Variants in OR51B5 observed in about 807,000 individuals in gnomAD.
OR51B5 encodes olfactory receptor family 51 subfamily B member 5.
For synonymous variants in OR51B5, 186 were observed against 144.8 expected (o/e 1.28, Z -2.04); for missense variants, 456 against 374.6 (o/e 1.22, Z -1.79).
At chr11:5,467,740 A>T (rs1207556540) in intron 1 of OR51B5, among the ~76,000 whole-genome samples, 2 of 152,144 alleles carry the variant, frequency 1.3e-5, no homozygotes, top group African/African-American at 4.8e-5. Context: ...TCACTGCAGG[A>T]CACGAGCCCA....
At chr11:5,457,872 C>T (rs1025768493) in intron 1 of OR51B5, among the ~76,000 whole-genome samples, 1 of 152,022 alleles carries the variant, frequency 6.6e-6, no homozygotes, top group Non-Finnish European at 1.5e-5. Flanking sequence ...AGACATTTGT[C>T]AGGTCCATAG....
intron 1 of OR51B5, chr11:5,468,696 T>C (rs901048881): frequency 8.8e-6 from 4 of 456,472 alleles, no homozygotes; most frequent in African/African-American, 4.0e-5. Context: ...GACACACATG[T>C]GTTGAGTGTC....
At chr11:5,436,113 G>C (rs1045914358) in intron 1 of OR51B5, among the ~76,000 whole-genome samples, 1 of 152,040 alleles carries the variant, frequency 6.6e-6, no homozygotes, top group Non-Finnish European at 1.5e-5. Context: ...TGCATCACAC[G>C]CAAAAAGTAA....
At chr11:5,468,688 C>G (rs1484875193) in intron 1 of OR51B5, 1 of 456,578 alleles carries the variant, frequency 2.2e-6, no homozygotes, top group South Asian at 1.5e-5. Context: ...AGATATGTGA[C>G]ACACATGTGT....
chr11:5,422,331 A>G (rs1302528032), intron 1 of OR51B5: 6 of 1,613,954 alleles, frequency 3.7e-6, no homozygotes, highest in Non-Finnish European at 5.1e-6. Context: ...ATCATGGGCA[A>G]TACCACCATC....
intron 1 of OR51B5, among the ~76,000 whole-genome samples, chr11:5,365,490 A>G (rs1849349856): frequency 1.4e-5 from 2 of 142,154 alleles, no homozygotes; most frequent in African/African-American, 5.3e-5. Flanking sequence ...CCAGTCAGCA[A>G]CCATTTTCCT....
chr11:5,342,724 T>A, exon 1 of OR51B5: 4 of 1,613,746 alleles, frequency 2.5e-6, no homozygotes, highest in Non-Finnish European at 3.4e-6. Flanking sequence ...GAACAATATG[T>A]GGAACCTGCT....
At chr11:5,355,834 C>T (rs71480752) in intron 1 of OR51B5, among the ~76,000 whole-genome samples, 3,717 of 151,984 alleles carry the variant, frequency 0.024, 76 homozygotes, top group Non-Finnish European at 0.037. Flanking sequence ...ATGTAATGCC[C>T]TGCTCTGATT....
At chr11:5,505,434 T>C (rs1846358322) in intron 1 of OR51B5, 1 of 1,304,032 alleles carries the variant, frequency 7.7e-7, no homozygotes, top group Non-Finnish European at 1.0e-6. Context: ...TTTTCTTTAA[T>C]CTGGACAAAA....
At chr11:5,457,281 C>G (rs1381863711) in intron 1 of OR51B5, among the ~76,000 whole-genome samples, 1 of 152,176 alleles carries the variant, frequency 6.6e-6, no homozygotes, top group Non-Finnish European at 1.5e-5. Flanking sequence ...TGGCCTCAAG[C>G]CGCATCCATG....
chr11:5,476,578 A>C (rs546927336), intron 1 of OR51B5, among the ~76,000 whole-genome samples: 39 of 152,222 alleles, frequency 2.6e-4, no homozygotes, highest in Non-Finnish European at 5.0e-4. Context: ...TGAGACCATC[A>C]GTATTTCATG....
intron 1 of OR51B5, among the ~76,000 whole-genome samples, chr11:5,419,789 T>C (rs931815720): frequency 1.3e-5 from 2 of 151,994 alleles, no homozygotes; most frequent in Non-Finnish European, 2.9e-5. Context: ...CCAGTTTATA[T>C]ACAATGGGCA....
chr11:5,467,315 G>A (rs962169197), intron 1 of OR51B5, among the ~76,000 whole-genome samples: 5 of 152,272 alleles, frequency 3.3e-5, no homozygotes, highest in East Asian at 1.9e-4. Context: ...TTCAGGGGGT[G>A]TTTGGGAGAA....
rs768289785 is a variant in OR51B5 at position 5,389,718 on chromosome 11, G to A, written n.85-42808C>T. ...TTTAACTCCCATAGTATCTACTTTG[G>A]AGCGTGTCAAATCCAGATGTTCTGC... is the stretch of plus-strand genomic sequence containing the variant. On this transcript the variant is annotated intron_variant and non_coding_transcript_variant, in intron 1 of 4. Transcript: ENST00000415970. 30 of 1,613,716 alleles carry A rather than the reference G, an allele frequency of 1.9e-5. No individual in the cohort carries two copies. The South Asian group carries it at 2.3e-4, about 12-fold the overall frequency.
Position 5,465,013 on chromosome 11 carries a change from C to T in OR51B5, n.84+40556G>A, listed in dbSNP as rs535330234. ...CGAGGTCAGGAGATCGAGACCATCCCGGCTAAAACGGTGAAACCCCGTCTC... is the reference window on the plus strand; with the variant it reads ...CGAGGTCAGGAGATCGAGACCATCCTGGCTAAAACGGTGAAACCCCGTCTC... On this transcript the variant is annotated intron_variant and non_coding_transcript_variant, in intron 1 of 4. Coordinates refer to the OR51B5 transcript ENST00000415970. Among the ~76,000 whole-genome samples the T allele has an allele frequency of 9.9e-4, 151 of 151,948 alleles. No individual in the cohort carries two copies. In the East Asian group the frequency reaches 0.012, roughly 12 times the overall value.
intron 1 of OR51B5, among the ~76,000 whole-genome samples, chr11:5,448,974 CAAG>C (rs973398029): frequency 1.1e-4 from 17 of 152,170 alleles, no homozygotes; most frequent in African/African-American, 3.9e-4. Flanking sequence ...TTTAAAGAGA[CAAG>C]AAGAGTAAAA....
chr11:5,375,430 G>C (rs560827226), intron 1 of OR51B5, among the ~76,000 whole-genome samples: 2 of 130,982 alleles, frequency 1.5e-5, no homozygotes, highest in Non-Finnish European at 3.4e-5. Context: ...ATCAACTAAC[G>C]AGCAAAATAA....
intron 1 of OR51B5, chr11:5,389,841 T>C: frequency 6.2e-7 from 1 of 1,613,960 alleles, no homozygotes; most frequent in South Asian, 1.1e-5. Context: ...TCGGTCATTA[T>C]CACTGGCCAG....
chr11:5,452,788 A>G (rs1291910905), intron 1 of OR51B5, among the ~76,000 whole-genome samples: 1 of 152,250 alleles, frequency 6.6e-6, no homozygotes, highest in Non-Finnish European at 1.5e-5. Flanking sequence ...TAGTGTACCT[A>G]TAGAATATTT....
Sources: allele counts gnomAD v4.1 joint callset (sites outside exome capture counted in the v4.1 genomes callset), GRCh38; gene constraint gnomAD v4.1.1; transcripts MANE v1.5; gene names NCBI Gene and HGNC (gene_info 2026-07-23, HGNC 2026-07-21).